MNAT1: variants seen among roughly 807,000 people sequenced by gnomAD.
The protein encoded by MNAT1 is CDK-activating kinase assembly factor MAT1.
In MNAT1, 43 loss-of-function variants were observed where a neutral mutation model predicts 42.0. That is an observed-to-expected ratio of 1.02 (90% CI 0.80 to 1.32). The LOEUF is 1.32. Among genes scored for constraint, MNAT1 ranks in the 40% most tolerant of loss-of-function variants. The pLI is 0.00. For missense variants in MNAT1, 306 were observed against 350.4 expected (o/e 0.87, Z 1.01); for synonymous variants, 118 against 120.0 (o/e 0.98, Z 0.11).
chr14:60,807,972 A>G (rs538808204), intron 3 of MNAT1, among the ~76,000 whole-genome samples: 1 of 152,188 alleles, frequency 6.6e-6, no homozygotes, highest in East Asian at 1.9e-4. Context: ...CTTGTAGTAG[A>G]TTCCAGACTT....
intron 7 of MNAT1, among the ~76,000 whole-genome samples, chr14:60,944,316 A>C (rs2036231936): frequency 6.6e-6 from 1 of 152,170 alleles, no homozygotes; most frequent in South Asian, 2.1e-4. Context: ...GGCCTTTGTG[A>C]GGCATTCAGG....
chr14:60,953,936 G>A (rs1220357340), intron 7 of MNAT1, among the ~76,000 whole-genome samples: 2 of 152,098 alleles, frequency 1.3e-5, no homozygotes, highest in African/African-American at 2.4e-5. Context: ...TTTGAGAAAT[G>A]TCTATTCCAG....
intron 6 of MNAT1, among the ~76,000 whole-genome samples, chr14:60,879,110 C>G (rs2034493995): frequency 6.6e-6 from 1 of 151,988 alleles, no homozygotes; most frequent in African/African-American, 2.4e-5. Context: ...TTTTCTTGCT[C>G]CTTCTCAAAA....
At chr14:60,938,345 A>G (rs1365388702) in intron 7 of MNAT1, among the ~76,000 whole-genome samples, 2 of 152,102 alleles carry the variant, frequency 1.3e-5, no homozygotes, top group Non-Finnish European at 2.9e-5. Context: ...TCCATTCAGT[A>G]TGATATTGGC....
intron 3 of MNAT1, among the ~76,000 whole-genome samples, chr14:60,804,362 T>C (rs1179467737): frequency 6.6e-6 from 1 of 152,196 alleles, no homozygotes; most frequent in Admixed American, 6.5e-5. Context: ...AAAATAGTAA[T>C]TCGCTTTTAT....
intron 7 of MNAT1, among the ~76,000 whole-genome samples, chr14:60,916,565 G>A (rs1382563513): frequency 1.3e-5 from 2 of 152,158 alleles, no homozygotes; most frequent in Non-Finnish European, 2.9e-5. Flanking sequence ...TGAGGTGGGA[G>A]GATCACTTGA....
Position 60,783,486 on chromosome 14 carries a change from G to T in MNAT1, c.90-12731G>T, listed in dbSNP as rs149763675. Reference sequence around the variant, plus strand: ...TTGTTATAATAATACATACCATTATGTTGGTACAAATTTGGAAGAATGTAT... The same window carrying T: ...TTGTTATAATAATACATACCATTATTTTGGTACAAATTTGGAAGAATGTAT... On this transcript the variant is annotated intron_variant, in intron 1 of 7. Coordinates refer to ENST00000261245, the MANE Select transcript of MNAT1 (RefSeq NM_002431.4). 3.7e-3 allele frequency among the ~76,000 whole-genome samples: 559 copies of T among 152,292 alleles called. 2 individuals are homozygous for T. The highest frequency in any genetic ancestry group is 0.013 in the African/African-American group (528 of 41,556).
chr14:60,863,223 A>C (rs1363157547), intron 6 of MNAT1, among the ~76,000 whole-genome samples: 1 of 152,154 alleles, frequency 6.6e-6, no homozygotes, highest in African/African-American at 2.4e-5. Context: ...CAGTGCATTG[A>C]GTTTCATATA....
At chr14:60,776,783 T>A (rs1462509750) in intron 1 of MNAT1, among the ~76,000 whole-genome samples, 1 of 152,188 alleles carries the variant, frequency 6.6e-6, no homozygotes, top group Non-Finnish European at 1.5e-5. Context: ...GAAAAAGGTG[T>A]ACAACATTTA....
At chr14:60,909,170 T>G (rs886972872) in intron 7 of MNAT1, among the ~76,000 whole-genome samples, 10 of 152,004 alleles carry the variant, frequency 6.6e-5, no homozygotes, top group African/African-American at 1.9e-4. Flanking sequence ...TGATGGGGTT[T>G]TTTGTTTTTT....
At chr14:60,832,644 T>A (rs1198518762) in intron 6 of MNAT1, among the ~76,000 whole-genome samples, 1 of 152,216 alleles carries the variant, frequency 6.6e-6, no homozygotes, top group African/African-American at 2.4e-5. Flanking sequence ...TTGCTTAGGA[T>A]TGTCTTGGCT....
At chr14:60,894,595 A>G (rs2034913728) in intron 7 of MNAT1, among the ~76,000 whole-genome samples, 1 of 152,000 alleles carries the variant, frequency 6.6e-6, no homozygotes, top group African/African-American at 2.4e-5. Flanking sequence ...TGTCCTTTAG[A>G]TAAGGTATAA....
At chr14:60,954,497 G>C (rs2036444176) in intron 7 of MNAT1, among the ~76,000 whole-genome samples, 1 of 151,776 alleles carries the variant, frequency 6.6e-6, no homozygotes. Context: ...TGTTTGTTTT[G>C]GTAGCTATTG....
chr14:60,932,333 G>T (rs1375244735), intron 7 of MNAT1, among the ~76,000 whole-genome samples: 1 of 151,814 alleles, frequency 6.6e-6, no homozygotes, highest in East Asian at 1.9e-4. Context: ...TATGCTATAG[G>T]TGTTCATTGT....
chr14:60,958,020 A>G (rs1452152378), intron 7 of MNAT1, among the ~76,000 whole-genome samples: 2 of 152,118 alleles, frequency 1.3e-5, no homozygotes, highest in Non-Finnish European at 2.9e-5. Context: ...TATTTTTACT[A>G]CAGACAAGGT....
At chr14:60,931,120 G>GA (rs1382650550) in intron 7 of MNAT1, among the ~76,000 whole-genome samples, 3 of 152,168 alleles carry the variant, frequency 2.0e-5, no homozygotes, top group Non-Finnish European at 2.9e-5. Flanking sequence ...ATGGATTTGA[G>GA]ACTGAAGGGA....
intron 6 of MNAT1, among the ~76,000 whole-genome samples, chr14:60,823,003 T>A (rs1048230556): frequency 2.0e-5 from 3 of 152,172 alleles, no homozygotes; most frequent in Non-Finnish European, 4.4e-5. Flanking sequence ...GCCACCTGCC[T>A]GCCTTGGCCT....
At chr14:60,887,177 T>G (rs2034694910) in intron 7 of MNAT1, among the ~76,000 whole-genome samples, 2 of 151,424 alleles carry the variant, frequency 1.3e-5, no homozygotes, top group African/African-American at 2.4e-5. Flanking sequence ...GCATTTTTTT[T>G]GTTGTTGTTG....
At chr14:60,765,205 C>G (rs759899881) in intron 1 of MNAT1, among the ~76,000 whole-genome samples, 3 of 152,054 alleles carry the variant, frequency 2.0e-5, no homozygotes, top group African/African-American at 7.2e-5. Flanking sequence ...GAGCCAAGAT[C>G]GTGCCACTGC....
Sources: gnomAD v4.1 joint callset for allele counts (sites outside exome capture counted in the v4.1 genomes callset) on GRCh38, gnomAD v4.1.1 for gene constraint, MANE v1.5 for transcripts, NCBI Gene and HGNC (gene_info 2026-07-23, HGNC 2026-07-21) for gene names.